BCAT1: variants seen among roughly 807,000 people sequenced by gnomAD.
The protein encoded by BCAT1 is branched-chain-amino-acid aminotransferase, cytosolic.
A neutral mutation model predicts 52.4 loss-of-function variants in BCAT1; 48 were observed. The ratio of observed to expected loss-of-function variants is 0.92; its 90% CI spans 0.73 to 1.16. BCAT1 has a LOEUF of 1.16. Ranked by LOEUF, BCAT1 falls within the 50% of genes most tolerant of loss-of-function variation. BCAT1 has a pLI of 0.00. For synonymous variants in BCAT1, 167 were observed against 161.3 expected (o/e 1.04, Z -0.27); for missense variants, 451 against 457.1 (o/e 0.99, Z 0.12).
intron 1 of BCAT1, among the ~76,000 whole-genome samples, chr12:24,944,707 A>G (rs1228860260): frequency 6.6e-6 from 1 of 152,242 alleles, no homozygotes; most frequent in Non-Finnish European, 1.5e-5. Flanking sequence ...AGAACTGACA[A>G]ATGAATTTGT....
At chr12:24,890,528 T>C (rs192168601) in intron 3 of BCAT1, among the ~76,000 whole-genome samples, 83 of 152,300 alleles carry the variant, frequency 5.4e-4, no homozygotes, top group Admixed American at 8.5e-4. Flanking sequence ...AAGGGATGTC[T>C]GGCCGTCCTC....
At chr12:24,926,538 G>A (rs1228455066) in intron 1 of BCAT1, among the ~76,000 whole-genome samples, 1 of 152,278 alleles carries the variant, frequency 6.6e-6, no homozygotes, top group Admixed American at 6.5e-5. Flanking sequence ...GTGGGGAAAA[G>A]ATAGAGAAAT....
At chr12:24,841,145 G>A (rs1030570062) in intron 7 of BCAT1, among the ~76,000 whole-genome samples, 1 of 152,062 alleles carries the variant, frequency 6.6e-6, no homozygotes. Flanking sequence ...TATCTATAGT[G>A]GATATATGAA....
At chr12:24,848,832 A>T (rs932205216) in intron 6 of BCAT1, among the ~76,000 whole-genome samples, 4 of 152,230 alleles carry the variant, frequency 2.6e-5, no homozygotes, top group African/African-American at 4.8e-5. Flanking sequence ...GAGGGAATGC[A>T]GTTGCTAAAG....
At chr12:24,861,396 A>T (rs1327047308) in intron 5 of BCAT1, among the ~76,000 whole-genome samples, 1 of 152,274 alleles carries the variant, frequency 6.6e-6, no homozygotes, top group East Asian at 1.9e-4. Flanking sequence ...GTTGTAGAAT[A>T]TATTGCTGTG....
At chr12:24,891,760 T>C (rs1197414597) in intron 3 of BCAT1, among the ~76,000 whole-genome samples, 1 of 151,942 alleles carries the variant, frequency 6.6e-6, no homozygotes, top group African/African-American at 2.4e-5. Flanking sequence ...TTTTGTTTTT[T>C]TTTTTTGAGA....
At position 24,936,733 on chromosome 12, in the gene BCAT1, A is replaced by T. The variant is rs1219707209; in HGVS notation, c.6+12194T>A. Among the ~76,000 whole-genome samples, 497 of 65,896 alleles carry T rather than the reference A, an allele frequency of 7.5e-3. 4 individuals are homozygous for T. The highest frequency in any genetic ancestry group is 0.018 in the African/African-American group (444 of 24,014). The allele number at this position is 65,896 out of a possible 152,430, so 43.2% of individuals were successfully genotyped here. On this transcript the variant is annotated intron_variant, in intron 1 of 10. Transcript: ENST00000261192. ...CTCAATCTCTCTCTCTCACACACAC[A>T]CACACACATACACACACACATACAC...
intron 3 of BCAT1, among the ~76,000 whole-genome samples, chr12:24,888,561 A>G (rs79867874): frequency 0.049 from 7,493 of 152,302 alleles, 598 homozygotes; most frequent in African/African-American, 0.17. Flanking sequence ...TTTGCTTGCC[A>G]TCCTATTCCA....
intron 3 of BCAT1, among the ~76,000 whole-genome samples, chr12:24,890,317 G>A (rs932188795): frequency 6.6e-6 from 1 of 152,100 alleles, no homozygotes; most frequent in Non-Finnish European, 1.5e-5. Context: ...GAGGTGTTTG[G>A]ACCAGAGCGA....
At chr12:24,855,380 ATT>A (rs897058964) in intron 5 of BCAT1, among the ~76,000 whole-genome samples, 1 of 151,332 alleles carries the variant, frequency 6.6e-6, no homozygotes, top group Admixed American at 6.6e-5. Context: ...TTTGTTTTCC[ATT>A]TTGTTTTTTT....
Position 24,928,650 on chromosome 12 carries a change from A to C in BCAT1, c.6+20277T>G, listed in dbSNP as rs556100450. ...ACAGTCTCAAAAAAAAAAAAAAAAA[A>C]CCAAGAAAAACGAAAATACAAACCC... is the stretch of plus-strand genomic sequence containing the variant. On this transcript the variant is annotated intron_variant, in intron 1 of 10. Transcript: ENST00000261192. Among the ~76,000 whole-genome samples the C allele has an allele frequency of 4.7e-3, 704 of 150,638 alleles. 9 individuals carry two copies. Among genetic ancestry groups the C allele is most frequent in the African/African-American group, 0.016 (646 of 41,046 alleles).
chr12:24,890,774 C>T (rs953506227), intron 3 of BCAT1, among the ~76,000 whole-genome samples: 2 of 152,202 alleles, frequency 1.3e-5, no homozygotes, highest in Admixed American at 1.3e-4. Flanking sequence ...AACCAGCAGC[C>T]CTCGGAGCTC....
intron 1 of BCAT1, chr12:24,904,739 T>G (rs959573687): frequency 2.0e-5 from 3 of 152,230 alleles, no homozygotes; most frequent in African/African-American, 7.2e-5. Context: ...AAACGGTGTA[T>G]CTATCCACCA....
chr12:24,882,504 A>G (rs1263286560), intron 3 of BCAT1, among the ~76,000 whole-genome samples: 2 of 152,200 alleles, frequency 1.3e-5, no homozygotes, highest in East Asian at 3.8e-4. Flanking sequence ...TTCGGTTAAA[A>G]TATAAGTTTG....
At chr12:24,902,180 C>T (rs1943124735) in intron 1 of BCAT1, 1 of 1,431,994 alleles carries the variant, frequency 7.0e-7, no homozygotes, top group Non-Finnish European at 9.1e-7. Flanking sequence ...GGTTCGCCGG[C>T]AAAGAACAAA....
At chr12:24,852,309 T>C (rs1417782224) in intron 5 of BCAT1, among the ~76,000 whole-genome samples, 1 of 152,210 alleles carries the variant, frequency 6.6e-6, no homozygotes, top group African/African-American at 2.4e-5. Context: ...TGATGAGGAA[T>C]TTAGAGAAGC....
chr12:24,948,005 CTA>C (rs1943959523), intron 1 of BCAT1, among the ~76,000 whole-genome samples: 2 of 152,182 alleles, frequency 1.3e-5, no homozygotes, highest in African/African-American at 4.8e-5. Flanking sequence ...CTAAGTGAAA[CTA>C]TGGTCTGGGA....
intron 1 of BCAT1, among the ~76,000 whole-genome samples, chr12:24,919,830 A>C (rs988166301): frequency 1.4e-4 from 21 of 152,270 alleles, no homozygotes; most frequent in Non-Finnish European, 2.9e-5. Context: ...TCCCCCATAT[A>C]GTTTCTGTGG....
chr12:24,903,081 C>CG, intron 1 of BCAT1: 1 of 1,384,008 alleles, frequency 7.2e-7, no homozygotes, highest in South Asian at 1.6e-5. Flanking sequence ...CAAGCCCCGG[C>CG]GCACGGCCCA....
Sources: gnomAD v4.1 joint callset for allele counts (sites outside exome capture counted in the v4.1 genomes callset) on GRCh38, gnomAD v4.1.1 for gene constraint, MANE v1.5 for transcripts, NCBI Gene and HGNC (gene_info 2026-07-23, HGNC 2026-07-21) for gene names.